Variants in PARD3B observed in about 807,000 individuals in gnomAD.
PARD3B encodes the protein partitioning defective 3 homolog B.
Under a neutral mutation model 130.2 loss-of-function variants are expected in PARD3B, and 103 were observed. The ratio of observed to expected loss-of-function variants is 0.79; its 90% CI spans 0.67 to 0.93. PARD3B has a LOEUF of 0.93. Ranked by LOEUF, PARD3B falls within the 40% of genes least tolerant of loss-of-function variation. The pLI is 0.00. For missense variants in PARD3B, 1,609 were observed against 1,499.2 expected, an observed-to-expected ratio of 1.07 and a Z score of -1.21; for synonymous variants, 583 against 553.2, an observed-to-expected ratio of 1.05 and a Z score of -0.76.
intron 2 of PARD3B, among the ~76,000 whole-genome samples, chr2:204,766,033 A>G (rs998888716): frequency 6.6e-6 from 1 of 152,162 alleles, no homozygotes; most frequent in Admixed American, 6.6e-5. Context: ...ATGCTAGCTT[A>G]TTTGTGATTG....
chr2:205,576,585 G>T (rs571627449), intron 22 of PARD3B, among the ~76,000 whole-genome samples: 6 of 152,138 alleles, frequency 3.9e-5, no homozygotes, highest in Non-Finnish European at 5.9e-5. Context: ...TTGGTGCTTT[G>T]TCAAAGGTCA....
intron 2 of PARD3B, among the ~76,000 whole-genome samples, chr2:204,904,136 A>C (rs1256937705): frequency 6.6e-6 from 1 of 152,100 alleles, no homozygotes; most frequent in Non-Finnish European, 1.5e-5. Context: ...TTTAAGTTCA[A>C]TTCAATATTA....
At chr2:205,404,930 A>G (rs770853798) in intron 19 of PARD3B, among the ~76,000 whole-genome samples, 4 of 152,174 alleles carry the variant, frequency 2.6e-5, no homozygotes, top group Non-Finnish European at 4.4e-5. Flanking sequence ...CCTTGTAATC[A>G]TTTTACCCTA....
At chr2:204,674,818 C>T (rs536602694) in intron 1 of PARD3B, among the ~76,000 whole-genome samples, 7 of 152,176 alleles carry the variant, frequency 4.6e-5, no homozygotes, top group South Asian at 2.1e-4. Context: ...CACTATCTGT[C>T]GAAAGTATTC....
intron 2 of PARD3B, among the ~76,000 whole-genome samples, chr2:204,785,720 G>A (rs150627301): frequency 2.4e-3 from 367 of 152,308 alleles, no homozygotes; most frequent in Admixed American, 3.6e-3. Flanking sequence ...AAATAGAAAT[G>A]TGTTGAATAA....
intron 3 of PARD3B, among the ~76,000 whole-genome samples, chr2:205,030,857 G>C: frequency 6.6e-6 from 1 of 152,098 alleles, no homozygotes; most frequent in East Asian, 1.9e-4. Context: ...CCTGTCCAGA[G>C]GGGGGTCTGT....
chr2:204,587,976 C>T (rs542395448), intron 1 of PARD3B, among the ~76,000 whole-genome samples: 2 of 152,132 alleles, frequency 1.3e-5, no homozygotes, highest in Non-Finnish European at 2.9e-5. Flanking sequence ...GTCAATTAAA[C>T]CTCTTTCATT....
rs2040973859 is a variant in PARD3B, at chr2:205,276,983, T to TC, written c.2186-23545dup. On this transcript the variant is annotated intron_variant, in intron 16 of 22. Transcript: ENST00000406610. This position sits in a 1 kb window ranked among gnomAD's most constrained non-coding sequence, Gnocchi z 5.0. ...TCCATTTCTGGCACCTAGGACAACCTCCATACCTGCTAGTTGTTATGTTTG... is the reference window on the plus strand; with the variant it reads ...TCCATTTCTGGCACCTAGGACAACCTCCCATACCTGCTAGTTGTTATGTTTG... Among the ~76,000 whole-genome samples the TC allele has an allele frequency of 6.6e-6, 1 of 152,194 alleles. No homozygotes were observed. The highest frequency in any genetic ancestry group is 1.5e-5 in the Non-Finnish European group (1 of 68,032).
intron 14 of PARD3B, among the ~76,000 whole-genome samples, chr2:205,192,925 T>C (rs10932098): frequency 0.098 from 14,961 of 152,198 alleles, 881 homozygotes; most frequent in East Asian, 0.27. Flanking sequence ...CTTAAAGTTA[T>C]ATAGTGTACA....
chr2:205,441,525 G>A (rs1434224535), intron 20 of PARD3B, among the ~76,000 whole-genome samples: 1 of 152,164 alleles, frequency 6.6e-6, no homozygotes, highest in African/African-American at 2.4e-5. Context: ...GGGGAAGAAG[G>A]GTAGCAGGCA....
intron 1 of PARD3B, among the ~76,000 whole-genome samples, chr2:204,555,583 G>A (rs1461498974): frequency 6.6e-6 from 1 of 152,066 alleles, no homozygotes; most frequent in African/African-American, 2.4e-5. Context: ...CCATGAGTAT[G>A]AGTATATGCT....
intron 15 of PARD3B, among the ~76,000 whole-genome samples, chr2:205,206,167 TA>T (rs2037286662): frequency 2.0e-5 from 3 of 151,718 alleles, no homozygotes; most frequent in Admixed American, 2.0e-4. Context: ...TTTTGTTTCC[TA>T]AACCATTGTT....
intron 10 of PARD3B, among the ~76,000 whole-genome samples, chr2:205,140,101 A>AG (rs949666832): frequency 2.0e-5 from 3 of 152,214 alleles, no homozygotes; most frequent in African/African-American, 7.2e-5. Flanking sequence ...CAGCCAGGCC[A>AG]GGGGCAGCCG....
chr2:204,970,569 C>T (rs980508889), intron 3 of PARD3B, among the ~76,000 whole-genome samples: 5 of 152,132 alleles, frequency 3.3e-5, no homozygotes, highest in Non-Finnish European at 1.5e-5. Flanking sequence ...CATGCCTCTG[C>T]CAATTTCCCT....
At chr2:204,979,598 AAG>A (rs1692495414) in intron 3 of PARD3B, among the ~76,000 whole-genome samples, 1 of 152,240 alleles carries the variant, frequency 6.6e-6, no homozygotes, top group Admixed American at 6.5e-5. Context: ...TAGAATTGAC[AAG>A]ACAGTCTTGA....
intron 13 of PARD3B, among the ~76,000 whole-genome samples, chr2:205,182,055 G>A (rs1402784227): frequency 1.3e-5 from 2 of 152,198 alleles, no homozygotes; most frequent in African/African-American, 2.4e-5. Flanking sequence ...CACTTTGGGA[G>A]GCCAAGGCAG....
chr2:205,386,354 C>T (rs1489346200), intron 18 of PARD3B, among the ~76,000 whole-genome samples: 1 of 152,158 alleles, frequency 6.6e-6, no homozygotes, highest in African/African-American at 2.4e-5. Flanking sequence ...GGGGAGCCAA[C>T]CCATGACCTT....
At chr2:205,496,659 T>A (rs2049936419) in intron 20 of PARD3B, among the ~76,000 whole-genome samples, 1 of 152,150 alleles carries the variant, frequency 6.6e-6, no homozygotes, top group South Asian at 2.1e-4. Context: ...CCCCATTCCC[T>A]TATTTGAGAA....
chr2:205,338,152 CAA>C (rs1159561152), intron 18 of PARD3B, among the ~76,000 whole-genome samples: 57 of 20,442 alleles, frequency 2.8e-3, no homozygotes, highest in African/African-American at 6.2e-3. Flanking sequence ...GACTCCATCT[CAA>C]AAAAAAAAAA....
Sources: allele counts gnomAD v4.1 joint callset (sites outside exome capture counted in the v4.1 genomes callset), GRCh38; gene constraint gnomAD v4.1.1; non-coding constraint Gnocchi (gnomAD v3.1); transcripts MANE v1.5; gene names NCBI Gene and HGNC (gene_info 2026-07-23, HGNC 2026-07-21).